Variants in LYZL4 observed in about 807,000 individuals in gnomAD.
LYZL4 encodes the protein lysozyme-like protein 4.
In LYZL4, 13 loss-of-function variants were observed where a neutral mutation model predicts 17.6. The ratio of observed to expected loss-of-function variants is 0.74; its 90% CI spans 0.48 to 1.18. The LOEUF (loss-of-function observed/expected upper bound fraction) is 1.18, where lower values mean the gene tolerates loss of function less well. Ranked by LOEUF, LYZL4 falls within the 50% of genes most tolerant of loss-of-function variation. The pLI is 0.00. For synonymous variants in LYZL4, 64 were observed against 67.7 expected, an observed-to-expected ratio of 0.95 and a Z score of 0.27; for missense variants, 174 against 188.2, an observed-to-expected ratio of 0.92 and a Z score of 0.44.
At chr3:42,403,452 T>A (rs1012141654) in intron 4 of LYZL4, among the ~76,000 whole-genome samples, 10 of 152,032 alleles carry the variant, frequency 6.6e-5, no homozygotes, top group Non-Finnish European at 8.8e-5. Context: ...TTATTTATTT[T>A]TTTAGTAGAG....
At chr3:42,391,621 G>T in the LYZL4 span, among the ~76,000 whole-genome samples, 1 of 152,192 alleles carries the variant, frequency 6.6e-6, no homozygotes, top group Non-Finnish European at 1.5e-5. Context: ...ATTGAACAGA[G>T]AGGGGAAGGT....
At position 42,397,214 on chromosome 3, in the gene LYZL4, C is replaced by T. The variant is rs943745352; in HGVS notation, c.*51G>A. ...GACTGAAGCAGCAAGCAGAAAAGCA[C>T]CTTCATTCACAAGATGCAACTGGTG... On this transcript the variant is annotated 3_prime_UTR_variant, in exon 5 of 5. Transcript: ENST00000287748. 3.1e-6 allele frequency: 4 copies of T among 1,276,508 alleles called. No individual in the cohort carries two copies. Among genetic ancestry groups the T allele is most frequent in the Admixed American group, 2.0e-5 (1 of 48,886 alleles). The allele number at this position is 1,276,508 out of a possible 1,614,324, so 79.1% of individuals were successfully genotyped here. A position where few individuals can be genotyped will look rare whatever the true frequency, so the allele number is the denominator to read the frequency against.
At chr3:42,382,790 C>A in the LYZL4 span, among the ~76,000 whole-genome samples, 68 of 151,834 alleles carry the variant, frequency 4.5e-4, no homozygotes, top group Non-Finnish European at 6.9e-4. Context: ...CAAGGACAAG[C>A]AGAAGAGACA....
chr3:42,402,795 A>G (rs1698679635), intron 4 of LYZL4, among the ~76,000 whole-genome samples: 1 of 152,238 alleles, frequency 6.6e-6, no homozygotes, highest in African/African-American at 2.4e-5. Flanking sequence ...TTACATATTC[A>G]CCAAAAGTTA....
the LYZL4 span, among the ~76,000 whole-genome samples, chr3:42,362,645 A>T: frequency 6.6e-6 from 1 of 152,124 alleles, no homozygotes; most frequent in Non-Finnish European, 1.5e-5. Context: ...TCCCATTCAC[A>T]AGGGCTCCAC....
chr3:42,362,379 C>T, the LYZL4 span, among the ~76,000 whole-genome samples: 4 of 152,148 alleles, frequency 2.6e-5, no homozygotes, highest in East Asian at 1.9e-4. Context: ...ATAACCAATT[C>T]GGGCAATTCA....
At chr3:42,386,393 A>ACGC in the LYZL4 span, among the ~76,000 whole-genome samples, 1 of 21,034 alleles carries the variant, frequency 4.8e-5, no homozygotes, top group Non-Finnish European at 8.8e-5. Flanking sequence ...TTGAGCCACC[A>ACGC]CGCCCCCCCC....
chr3:42,397,291 G>A lies in LYZL4; in HGVS notation c.415C>T (p.Arg139Trp), dbSNP rs138004276. The A allele has an allele frequency of 5.9e-4, 928 of 1,570,952 alleles. 10 individuals are homozygous for A. The South Asian group carries it at 9.4e-3, about 16-fold the overall frequency. The change falls in exon 5 of 5, where the codon CGG becomes TGG. Residue 139 changes from arginine to tryptophan, a missense_variant. By Grantham distance (101) the Arg-to-Trp change is moderately radical (BLOSUM62 -3). Transcript: ENST00000287748. ...RYCQYSDTLA[R>W]WLDGCKL Reference sequence around the variant, plus strand: ...TACAGCTTGCAACCATCCAGCCACCGTGCCAGGGTATCGGAGTACTGGCAG... The same window carrying A: ...TACAGCTTGCAACCATCCAGCCACCATGCCAGGGTATCGGAGTACTGGCAG...
At chr3:42,397,437 A>T (rs911998084) in intron 4 of LYZL4, 103 bp from the exon 5 acceptor site, 4 of 760,278 alleles carry the variant, frequency 5.3e-6, no homozygotes, top group Non-Finnish European at 8.8e-6. Flanking sequence ...TGCCCCTTGG[A>T]GCCTTTGAGT....
At chr3:42,365,331 G>C in the LYZL4 span, among the ~76,000 whole-genome samples, 5 of 152,162 alleles carry the variant, frequency 3.3e-5, no homozygotes, top group African/African-American at 1.2e-4. Flanking sequence ...GTCACCAATT[G>C]CCACAAAATG....
chr3:42,406,895 A>T lies in LYZL4; in HGVS notation c.243T>A (p.Ser81Arg), dbSNP rs968255953. 1 of 1,614,240 alleles carries T rather than the reference A, an allele frequency of 6.2e-7. No individual in the cohort carries two copies. Among genetic ancestry groups the T allele is most frequent in the Non-Finnish European group, 8.5e-7 (1 of 1,180,040 alleles). ...TCCTGCCATGGTCGCCACACCAGTC[A>T]CTGCCACGCATCTGAAAGAGGCCAA... ...TGFGLFQMRG[S>R]DWCGDHGRNR... The change falls in exon 3 of 5, where the codon AGT (serine) becomes AGA (arginine). Residue 81 changes from serine to arginine, a missense_variant. Ser to Arg is a moderately radical substitution (Grantham distance 110, BLOSUM62 -1). Coordinates refer to ENST00000287748, the MANE Select transcript of LYZL4 (RefSeq NM_144634.4).
the LYZL4 span, among the ~76,000 whole-genome samples, chr3:42,390,621 A>C: frequency 6.6e-6 from 1 of 152,024 alleles, no homozygotes; most frequent in Non-Finnish European, 1.5e-5. Flanking sequence ...GCTCACTGAA[A>C]GGGGAGCAGT....
downstream of LYZL4, among the ~76,000 whole-genome samples, chr3:42,392,437 A>G (rs1054585956): frequency 7.2e-5 from 11 of 152,248 alleles, no homozygotes; most frequent in Admixed American, 1.3e-4. Context: ...CAGTCATCTA[A>G]GAGGTCAGAA....
At chr3:42,398,897 T>A (rs1399809224) in intron 4 of LYZL4, among the ~76,000 whole-genome samples, 2 of 151,552 alleles carry the variant, frequency 1.3e-5, no homozygotes, top group African/African-American at 4.9e-5. Flanking sequence ...TACCATAAAA[T>A]CAAAATACAA....
chr3:42,405,422 A>G (rs1436682181), intron 3 of LYZL4, among the ~76,000 whole-genome samples: 3 of 151,972 alleles, frequency 2.0e-5, no homozygotes, highest in Admixed American at 6.5e-5. Flanking sequence ...TTTTCCTCCT[A>G]TGTTGCAGTC....
chr3:42,378,079 C>T, the LYZL4 span, among the ~76,000 whole-genome samples: 2 of 152,208 alleles, frequency 1.3e-5, no homozygotes, highest in Admixed American at 6.5e-5. Flanking sequence ...CTCATCCACA[C>T]AGGATTCATG....
intron 1 of LYZL4, 73 bp from the exon 2 acceptor site, chr3:42,407,416 C>G: frequency 1.2e-6 from 1 of 817,952 alleles, no homozygotes; most frequent in Non-Finnish European, 1.9e-6. Flanking sequence ...AGCCATGACA[C>G]TTCTTCCCAT....
At chr3:42,367,322 C>T in the LYZL4 span, among the ~76,000 whole-genome samples, 1 of 152,150 alleles carries the variant, frequency 6.6e-6, no homozygotes, top group Admixed American at 6.5e-5. Flanking sequence ...GACACTTGGG[C>T]CCCTCCAAGA....
At chr3:42,367,340 G>A in the LYZL4 span, among the ~76,000 whole-genome samples, 1 of 152,176 alleles carries the variant, frequency 6.6e-6, no homozygotes, top group African/African-American at 2.4e-5. Context: ...AGAAGCAAAT[G>A]TTCAAGTCAA....
Sources: allele counts gnomAD v4.1 joint callset (sites outside exome capture counted in the v4.1 genomes callset), GRCh38; gene constraint gnomAD v4.1.1; transcripts MANE v1.5; gene names NCBI Gene and HGNC (gene_info 2026-07-23, HGNC 2026-07-21).